Variants in PIEZO2 observed in about 807,000 individuals in gnomAD.
PIEZO2 encodes piezo-type mechanosensitive ion channel component 2.
A neutral mutation model predicts 337.3 loss-of-function variants in PIEZO2; 172 were observed. The observed-to-expected ratio is 0.51, with a 90% CI of 0.45 to 0.58. The LOEUF is 0.58. Among genes scored for constraint, PIEZO2 ranks in the 20% least tolerant of loss-of-function variants. The pLI, the probability that PIEZO2 is intolerant of heterozygous loss-of-function variation, is 0.00. For missense variants in PIEZO2, 3,028 were observed against 3,391.3 expected (o/e 0.89, Z 2.66); for synonymous variants, 1,251 against 1,228.5 (o/e 1.02, Z -0.38).
At chr18:11,136,992 A>G (rs2040507804) in intron 1 of PIEZO2, among the ~76,000 whole-genome samples, 1 of 152,192 alleles carries the variant, frequency 6.6e-6, no homozygotes, top group Non-Finnish European at 1.5e-5. Flanking sequence ...CATGTCTAGT[A>G]ATAAGCTATG....
intron 7 of PIEZO2, among the ~76,000 whole-genome samples, chr18:10,823,636 A>C (rs1489006442): frequency 2.0e-5 from 3 of 152,238 alleles, no homozygotes; most frequent in African/African-American, 7.2e-5. Flanking sequence ...CCCAGTTCAA[A>C]AAGTACAGAG....
At chr18:10,922,990 T>C (rs2031520248) in intron 3 of PIEZO2, among the ~76,000 whole-genome samples, 1 of 152,174 alleles carries the variant, frequency 6.6e-6, no homozygotes, top group African/African-American at 2.4e-5. Context: ...TGATATGCTC[T>C]GAAAGCTACT....
At chr18:11,107,189 G>A (rs75329795) in intron 1 of PIEZO2, among the ~76,000 whole-genome samples, 2,103 of 152,078 alleles carry the variant, frequency 0.014, 48 homozygotes, top group African/African-American at 0.048. Flanking sequence ...ATATTATCCC[G>A]TAGGGTTGCT....
intron 1 of PIEZO2, among the ~76,000 whole-genome samples, chr18:11,114,444 T>C (rs1171160178): frequency 2.0e-5 from 3 of 152,288 alleles, no homozygotes; most frequent in Admixed American, 2.0e-4. Context: ...GGCAGGAGGA[T>C]CACTTGAGGT....
intron 5 of PIEZO2, among the ~76,000 whole-genome samples, chr18:10,858,738 G>T (rs939472633): frequency 6.6e-6 from 1 of 152,112 alleles, no homozygotes; most frequent in Non-Finnish European, 1.5e-5. Context: ...GTGCCCAGAA[G>T]GGTGCACACA....
intron 36 of PIEZO2, among the ~76,000 whole-genome samples, chr18:10,731,188 T>G (rs972208032): frequency 1.0e-4 from 6 of 59,874 alleles, no homozygotes; most frequent in African/African-American, 4.4e-4. Flanking sequence ...TATATATATA[T>G]ATATATATAT....
chr18:10,966,601 AT>A (rs1468010995), intron 3 of PIEZO2, among the ~76,000 whole-genome samples: 2 of 151,988 alleles, frequency 1.3e-5, no homozygotes, highest in Non-Finnish European at 2.9e-5. Context: ...AGTAGCTGTT[AT>A]TTTTTTAATT....
intron 3 of PIEZO2, among the ~76,000 whole-genome samples, chr18:10,966,342 G>C (rs2033998886): frequency 1.3e-5 from 2 of 152,152 alleles, no homozygotes; most frequent in East Asian, 1.9e-4. Flanking sequence ...CCTAGCTAAA[G>C]CTGTCATTCC....
Position 10,800,356 on chromosome 18 carries a change from C to T in PIEZO2, c.1359G>A (p.Glu453=), listed in dbSNP as rs1385987056. The T allele has an allele frequency of 1.3e-6, 2 of 1,535,276 alleles. No homozygotes were observed. The highest frequency in any genetic ancestry group is 1.4e-5 in the African/African-American group (1 of 72,940). The change falls in exon 11 of 56, where the codon GAG becomes GAA. Residue 453 remains glutamate, a synonymous_variant. Transcript: ENST00000674853. The stretch of plus-strand genomic sequence containing the variant: ...TCCTACCTGAGGATTCATCAGAGGG[C>T]TCCCACCGGTACTGAGGGGTGGAGT... ...DLYSTPQYRW[E]PSDESSEKRE...
intron 15 of PIEZO2, among the ~76,000 whole-genome samples, chr18:10,788,821 A>G (rs766861237): frequency 1.3e-5 from 2 of 152,214 alleles, no homozygotes; most frequent in African/African-American, 4.8e-5. Context: ...CCTGGCCTCA[A>G]GCAGTCCTCC....
chr18:10,732,317 C>T (rs2036820971), intron 35 of PIEZO2, among the ~76,000 whole-genome samples: 2 of 152,240 alleles, frequency 1.3e-5, no homozygotes, highest in East Asian at 3.8e-4. Flanking sequence ...GCACCACAAA[C>T]ACACCTGGGT....
intron 7 of PIEZO2, among the ~76,000 whole-genome samples, chr18:10,825,523 T>C (rs1326761850): frequency 1.3e-5 from 1 of 74,648 alleles, no homozygotes. Context: ...AGTTGCTCTT[T>C]TTTTTTCCAC....
At position 11,048,005 on chromosome 18, in the gene PIEZO2, A is replaced by G. The variant is rs373738340; in HGVS notation, c.160+18122T>C. Among the ~76,000 whole-genome samples the G allele has an allele frequency of 6.6e-6, 1 of 152,226 alleles. No homozygotes were observed. The highest frequency in any genetic ancestry group is 2.1e-4 in the South Asian group (1 of 4,826). On this transcript the variant is annotated intron_variant, in intron 2 of 55. Transcript: ENST00000674853. The surrounding 1 kb of genome is among the most constrained non-coding windows in gnomAD (Gnocchi z 4.5). ...CAGGTACTCCAGGCCTTCCTCCTGC[A>G]TGGTCTGCAGCTCTGAAAGTGGTTC...
At chr18:10,695,814 C>G (rs1233846037) in intron 47 of PIEZO2, among the ~76,000 whole-genome samples, 3 of 152,208 alleles carry the variant, frequency 2.0e-5, no homozygotes, top group African/African-American at 4.8e-5. Flanking sequence ...GTTATTAAGG[C>G]TGTCACCGTT....
rs1315922723 is a variant in PIEZO2 at position 11,127,723 on chromosome 18, A to G, written c.64+20802T>C. 6.6e-6 allele frequency among the ~76,000 whole-genome samples: 1 copy of G among 151,448 alleles called. No individual in the cohort carries two copies. The highest frequency in any genetic ancestry group is 6.6e-5 in the Admixed American group (1 of 15,146). On this transcript the variant is annotated intron_variant, in intron 1 of 55. Coordinates refer to ENST00000674853, the MANE Select transcript of PIEZO2 (RefSeq NM_001378183.1). The surrounding 1 kb of genome is among the most constrained non-coding windows in gnomAD (Gnocchi z 4.5). ...ATATATATGTCATGTATATATATAC[A>G]CACATATATATGTATGTGTATATAT...
intron 1 of PIEZO2, among the ~76,000 whole-genome samples, chr18:11,139,386 GT>G (rs2040579134): frequency 6.6e-6 from 1 of 152,108 alleles, no homozygotes; most frequent in Non-Finnish European, 1.5e-5. Context: ...TTTTTGTATT[GT>G]TTCTGGTGTG....
Position 10,670,780 on chromosome 18 carries a change from A to G in PIEZO2, c.*747T>C, listed in dbSNP as rs917438797. 7 of 152,022 alleles carry G rather than the reference A, an allele frequency of 4.6e-5. No individual in the cohort carries two copies. The highest frequency in any genetic ancestry group is 1.3e-4 in the Admixed American group (2 of 15,244). The allele number at this position is 152,022 out of a possible 1,614,324, so 9.4% of individuals were successfully genotyped here. A position where few individuals can be genotyped will look rare whatever the true frequency, so the allele number is the denominator to read the frequency against. The stretch of plus-strand genomic sequence containing the variant: ...GCACAGGAGACCGCAGCCCTCCAGA[A>G]TGGTTCCCCTCATTGAAGCTGGTCA... On this transcript the variant is annotated 3_prime_UTR_variant, in exon 56 of 56. Coordinates refer to ENST00000674853, the MANE Select transcript of PIEZO2 (RefSeq NM_001378183.1).
chr18:10,757,005 GAGA>G (rs778381058), intron 27 of PIEZO2, among the ~76,000 whole-genome samples: 36 of 67,084 alleles, frequency 5.4e-4, no homozygotes, highest in Non-Finnish European at 8.0e-5. Context: ...AATGCAGGAT[GAGA>G]AGAAGAAATG....
rs1305605222 is a variant in PIEZO2, at chr18:11,033,914, G to A, written c.160+32213C>T. 6.6e-6 allele frequency among the ~76,000 whole-genome samples: 1 copy of A among 151,954 alleles called. No homozygotes were observed. The highest frequency in any genetic ancestry group is 1.9e-4 in the East Asian group (1 of 5,186). ...ATTATCTTCAGACTTTACCGGGTTGGTTTATAACTTTAATACCTGAAAAAC... is the reference window on the plus strand; with the variant it reads ...ATTATCTTCAGACTTTACCGGGTTGATTTATAACTTTAATACCTGAAAAAC... On this transcript the variant is annotated intron_variant, in intron 2 of 55. Coordinates refer to ENST00000674853, the MANE Select transcript of PIEZO2 (RefSeq NM_001378183.1). This position sits in a 1 kb window ranked among gnomAD's most constrained non-coding sequence, Gnocchi z 4.2.
Sources: gnomAD v4.1 joint callset for allele counts (sites outside exome capture counted in the v4.1 genomes callset) on GRCh38, gnomAD v4.1.1 for gene constraint, Gnocchi (gnomAD v3.1) non-coding constraint, MANE v1.5 for transcripts, NCBI Gene and HGNC (gene_info 2026-07-23, HGNC 2026-07-21) for gene names.